The following SPHKAP variants were observed in gnomAD, a reference collection of about 807,000 sequenced individuals.
The protein encoded by SPHKAP is A-kinase anchor protein SPHKAP.
In SPHKAP, 67 loss-of-function variants were observed where a neutral mutation model predicts 137.5. The observed-to-expected ratio is 0.49, with a 90% CI of 0.40 to 0.60. The LOEUF is 0.60. Ranked by LOEUF, SPHKAP falls within the 20% of genes least tolerant of loss-of-function variation. SPHKAP has a pLI of 0.00. For missense variants in SPHKAP, 2,097 were observed against 2,069.3 expected (o/e 1.01, Z -0.26); for synonymous variants, 813 against 785.3 (o/e 1.04, Z -0.59).
chr2:228,107,649 C>A (rs1406192402), intron 3 of SPHKAP, among the ~76,000 whole-genome samples: 2 of 152,106 alleles, frequency 1.3e-5, no homozygotes, highest in African/African-American at 4.8e-5. Flanking sequence ...TTGACCAAAG[C>A]GTGTCTGCTG....
intron 2 of SPHKAP, chr2:228,131,223 A>C (rs945654556): frequency 1.5e-4 from 132 of 865,600 alleles, no homozygotes; most frequent in Non-Finnish European, 1.7e-4. Flanking sequence ...ATTTACATCT[A>C]TAAGAATTTT....
At chr2:228,159,638 A>C (rs1235020717) in intron 1 of SPHKAP, among the ~76,000 whole-genome samples, 1 of 152,168 alleles carries the variant, frequency 6.6e-6, no homozygotes, top group African/African-American at 2.4e-5. Context: ...ACAATTACAC[A>C]TTTTCTAGAG....
At chr2:228,119,755 G>A (rs1330248036) in intron 2 of SPHKAP, among the ~76,000 whole-genome samples, 3 of 152,096 alleles carry the variant, frequency 2.0e-5, no homozygotes, top group African/African-American at 7.2e-5. Context: ...CAGAAACTGA[G>A]TGAGTTAGTC....
At chr2:228,128,395 G>T (rs1699142592) in intron 2 of SPHKAP, among the ~76,000 whole-genome samples, 1 of 152,152 alleles carries the variant, frequency 6.6e-6, no homozygotes, top group Admixed American at 6.5e-5. Flanking sequence ...CAGCAATTCA[G>T]TCATTCTTCA....
intron 3 of SPHKAP, among the ~76,000 whole-genome samples, chr2:228,031,532 C>T (rs1192884142): frequency 1.3e-5 from 2 of 152,342 alleles, no homozygotes; most frequent in African/African-American, 2.4e-5. Context: ...GTTCTCCCAG[C>T]ACGCAGCTGG....
intron 2 of SPHKAP, among the ~76,000 whole-genome samples, chr2:228,120,462 G>A (rs545941718): frequency 4.2e-4 from 64 of 152,126 alleles, no homozygotes; most frequent in Non-Finnish European, 7.1e-4. Context: ...TCCTTTCTTC[G>A]GAATTTATGT....
At position 228,134,404 on chromosome 2, in the gene SPHKAP, T is replaced by A. The variant is rs528077285; in HGVS notation, c.33-2319A>T. On this transcript the variant is annotated intron_variant, in intron 1 of 11. Transcript: ENST00000392056. The stretch of plus-strand genomic sequence containing the variant: ...TCATTTATAAATGACATGTTTGGAC[T>A]AAAGTGTGTGGTTCCCTCATGGCTC... 2.0e-5 allele frequency among the ~76,000 whole-genome samples: 3 copies of A among 152,338 alleles called. No individual in the cohort carries two copies. In the South Asian group the frequency reaches 6.2e-4, roughly 32 times the overall value.
intron 1 of SPHKAP, among the ~76,000 whole-genome samples, chr2:228,137,226 TA>T (rs956680903): frequency 4.6e-5 from 7 of 152,218 alleles, no homozygotes; most frequent in African/African-American, 1.7e-4. Context: ...CTGTAAGTTC[TA>T]AAAGGGCAGG....
At chr2:228,151,162 C>T (rs1310661078) in intron 1 of SPHKAP, among the ~76,000 whole-genome samples, 1 of 149,952 alleles carries the variant, frequency 6.7e-6, no homozygotes, top group Non-Finnish European at 1.5e-5. Context: ...CTATTCCCAT[C>T]TATGAGTGAG....
At chr2:228,032,385 A>C (rs1052581852) in intron 3 of SPHKAP, among the ~76,000 whole-genome samples, 1 of 152,238 alleles carries the variant, frequency 6.6e-6, no homozygotes, top group Non-Finnish European at 1.5e-5. Context: ...ATTATGTGAA[A>C]AGACCAAATC....
chr2:228,100,306 C>A (rs975873623), intron 3 of SPHKAP, among the ~76,000 whole-genome samples: 11 of 152,224 alleles, frequency 7.2e-5, no homozygotes, highest in Middle Eastern at 6.8e-3. Context: ...TCTTTTTTTA[C>A]TATCTGGATG....
intron 5 of SPHKAP, among the ~76,000 whole-genome samples, chr2:228,023,144 T>G (rs768371156): frequency 3.9e-5 from 6 of 152,224 alleles, no homozygotes; most frequent in Non-Finnish European, 8.8e-5. Context: ...TATTGCTCAT[T>G]GGAATCGTAA....
At chr2:228,116,223 C>CCCCTCCTGGGATCCCA (rs1698707115) in intron 2 of SPHKAP, among the ~76,000 whole-genome samples, 2 of 152,066 alleles carry the variant, frequency 1.3e-5, no homozygotes, top group African/African-American at 4.8e-5. Context: ...CCTATGTGTT[C>CCCCTCCTGGGATCCCA]GTATTGTAAT....
At chr2:227,985,362 A>G (rs1250576920) in intron 11 of SPHKAP, among the ~76,000 whole-genome samples, 2 of 152,156 alleles carry the variant, frequency 1.3e-5, no homozygotes, top group Non-Finnish European at 2.9e-5. Context: ...CTTTTCTTCC[A>G]TTAAAAAAAG....
intron 1 of SPHKAP, among the ~76,000 whole-genome samples, chr2:228,146,198 G>C (rs543278403): frequency 3.2e-4 from 48 of 152,132 alleles, no homozygotes; most frequent in Non-Finnish European, 5.6e-4. Context: ...CCTTCCCATT[G>C]TCAATATCCC....
chr2:228,133,675 G>A (rs1335710293), intron 1 of SPHKAP, among the ~76,000 whole-genome samples: 1 of 152,112 alleles, frequency 6.6e-6, no homozygotes, highest in African/African-American at 2.4e-5. Context: ...TAAAACAAGT[G>A]CTAAATAAAA....
intron 7 of SPHKAP, among the ~76,000 whole-genome samples, chr2:227,998,630 C>T (rs1352844520): frequency 6.6e-6 from 1 of 152,128 alleles, no homozygotes; most frequent in African/African-American, 2.4e-5. Flanking sequence ...AAGGAATTGC[C>T]TTGCCAAGGT....
intron 1 of SPHKAP, among the ~76,000 whole-genome samples, chr2:228,149,570 G>C (rs537534426): frequency 6.6e-6 from 1 of 152,272 alleles, no homozygotes; most frequent in South Asian, 2.1e-4. Flanking sequence ...GAGCATTAGG[G>C]AAGAAGGAGC....
chr2:228,086,498 T>A (rs1262874511), intron 3 of SPHKAP, among the ~76,000 whole-genome samples: 1 of 152,162 alleles, frequency 6.6e-6, no homozygotes, highest in Non-Finnish European at 1.5e-5. Context: ...AAATTCTCAA[T>A]GAGTGAAGCC....
Sources: gnomAD v4.1 joint callset for allele counts (sites outside exome capture counted in the v4.1 genomes callset) on GRCh38, gnomAD v4.1.1 for gene constraint, MANE v1.5 for transcripts, NCBI Gene and HGNC (gene_info 2026-07-23, HGNC 2026-07-21) for gene names.